CHL1: variants seen among roughly 807,000 people sequenced by gnomAD.
CHL1 encodes the protein neural cell adhesion molecule L1-like protein.
Under a neutral mutation model 141.9 loss-of-function variants are expected in CHL1, and 96 were observed. The observed-to-expected ratio is 0.68, with a 90% CI of 0.57 to 0.80. The LOEUF (loss-of-function observed/expected upper bound fraction) is 0.80, where lower values mean the gene tolerates loss of function less well. Ranked by LOEUF, CHL1 falls within the 30% of genes least tolerant of loss-of-function variation. The pLI, the probability that CHL1 is intolerant of heterozygous loss-of-function variation, is 0.00. For missense variants in CHL1, 1,820 were observed against 1,457.2 expected, an observed-to-expected ratio of 1.25 and a Z score of -4.05; for synonymous variants, 613 against 502.2, an observed-to-expected ratio of 1.22 and a Z score of -2.95.
At chr3:255,740 C>G (rs1694095165) in intron 2 of CHL1, among the ~76,000 whole-genome samples, 1 of 152,120 alleles carries the variant, frequency 6.6e-6, no homozygotes, top group African/African-American at 2.4e-5. Flanking sequence ...TAGTTCTCGC[C>G]TTTGACTGCC....
At chr3:404,566 T>C (rs1334352503) in intron 27 of CHL1, among the ~76,000 whole-genome samples, 2 of 152,220 alleles carry the variant, frequency 1.3e-5, no homozygotes, top group South Asian at 2.1e-4. Context: ...AAATATAGTA[T>C]ACTTATTTAT....
intron 2 of CHL1, among the ~76,000 whole-genome samples, chr3:286,805 C>A (rs1430969324): frequency 1.3e-5 from 2 of 151,982 alleles, no homozygotes; most frequent in African/African-American, 4.8e-5. Flanking sequence ...GGTTCTTTCC[C>A]TTTTTAGACC....
intron 1 of CHL1, among the ~76,000 whole-genome samples, chr3:224,496 A>G (rs1360626654): frequency 6.6e-6 from 1 of 152,016 alleles, no homozygotes. Flanking sequence ...AGTACTCATG[A>G]GATCTGGTTG....
At chr3:403,382 A>G (rs906498892) in intron 27 of CHL1, among the ~76,000 whole-genome samples, 2 of 152,190 alleles carry the variant, frequency 1.3e-5, no homozygotes, top group Admixed American at 6.5e-5. Context: ...AAGGAAGAGG[A>G]TTATACAAGA....
intron 24 of CHL1, among the ~76,000 whole-genome samples, chr3:396,069 T>G (rs984206610): frequency 2.0e-5 from 3 of 152,144 alleles, no homozygotes; most frequent in African/African-American, 4.8e-5. Flanking sequence ...CCTTAAACAT[T>G]TAAAAGCCCT....
intron 2 of CHL1, among the ~76,000 whole-genome samples, chr3:303,224 G>A (rs1366210918): frequency 2.0e-5 from 3 of 152,142 alleles, no homozygotes; most frequent in Non-Finnish European, 2.9e-5. Context: ...TGGATATGCA[G>A]GCTCTTTTTT....
chr3:284,764 T>C (rs331873), intron 2 of CHL1, among the ~76,000 whole-genome samples: 1,857 of 111,708 alleles, frequency 0.017, 52 homozygotes, highest in African/African-American at 0.091. Context: ...TAAATGCGTA[T>C]TCATCTTTTT....
At chr3:296,419 C>T (rs1698190270) in intron 2 of CHL1, among the ~76,000 whole-genome samples, 1 of 132,262 alleles carries the variant, frequency 7.6e-6, no homozygotes. Context: ...TAAATCCTGT[C>T]GCCTTTCTCT....
chr3:261,889 C>G (rs570940018), intron 2 of CHL1, among the ~76,000 whole-genome samples: 1 of 152,098 alleles, frequency 6.6e-6, no homozygotes, highest in Admixed American at 6.5e-5. Context: ...AGTCAATAAT[C>G]GAGTTTGGGA....
intron 15 of CHL1, 46 bp downstream of exon 15, chr3:366,161 C>T (rs1559316188): frequency 1.5e-5 from 23 of 1,562,058 alleles, no homozygotes; most frequent in Non-Finnish European, 2.0e-5. Context: ...TTGGGGTAAA[C>T]AACTTGCATT....
rs778331676 is a variant in CHL1 at position 382,608 on chromosome 3, G to A, written c.2113G>A (p.Val705Met). The stretch of plus-strand genomic sequence containing the variant: ...GAGATACCAGTTCAGGGTCATAGCC[G>A]TGAACGAAGTAGGGAGAAGTCAGCC... Reference protein sequence around the residue: ...FVRYQFRVIAVNEVGRSQPSQ... With the variant: ...FVRYQFRVIAMNEVGRSQPSQ... The change falls in exon 18 of 28, where the codon GTG becomes ATG. Residue 705 changes from valine (V) to methionine (M), a missense_variant. Transcript: ENST00000256509. The A allele has an allele frequency of 6.6e-5, 107 of 1,613,810 alleles. 1 individual carries two copies. Among genetic ancestry groups the A allele is most frequent in the South Asian group, 2.1e-4 (19 of 91,070 alleles).
intron 1 of CHL1, among the ~76,000 whole-genome samples, chr3:221,039 G>T (rs913024372): frequency 6.6e-6 from 1 of 152,076 alleles, no homozygotes; most frequent in Non-Finnish European, 1.5e-5. Flanking sequence ...AAACTCCTTG[G>T]ACTAGTTGCC....
intron 16 of CHL1, among the ~76,000 whole-genome samples, chr3:379,248 G>C (rs1004276481): frequency 6.6e-6 from 1 of 152,100 alleles, no homozygotes. Flanking sequence ...TGGCCAACCT[G>C]TCTCGGGCGA....
At chr3:360,603 A>G (rs1053046927) in intron 12 of CHL1, among the ~76,000 whole-genome samples, 179 bp downstream of exon 12, 2 of 118,444 alleles carry the variant, frequency 1.7e-5, no homozygotes, top group Non-Finnish European at 3.6e-5. Context: ...TTTTTTTTTT[A>G]TTATACTTTA....
At chr3:248,387 T>G (rs972163043) in intron 2 of CHL1, 15 of 152,106 alleles carry the variant, frequency 9.9e-5, no homozygotes, top group African/African-American at 2.7e-4. Flanking sequence ...GAGCACTATA[T>G]GAAGAATTAC....
At chr3:347,111 A>G (rs1362971550) in intron 9 of CHL1, among the ~76,000 whole-genome samples, 1 of 152,122 alleles carries the variant, frequency 6.6e-6, no homozygotes, top group Non-Finnish European at 1.5e-5. Context: ...ATGTGTTTTG[A>G]GGGAAAACTT....
chr3:388,634 A>G (rs1707968263), intron 19 of CHL1, among the ~76,000 whole-genome samples: 1 of 152,122 alleles, frequency 6.6e-6, no homozygotes, highest in African/African-American at 2.4e-5. Context: ...TAAGGGTGAC[A>G]TTTTTTCTTA....
At chr3:221,463 T>G (rs192172770) in intron 1 of CHL1, among the ~76,000 whole-genome samples, 46 of 152,328 alleles carry the variant, frequency 3.0e-4, no homozygotes, top group Middle Eastern at 6.8e-3. Flanking sequence ...TGTTTATGTG[T>G]AGCAGACCCT....
At chr3:285,611 C>G (rs546642835) in intron 2 of CHL1, among the ~76,000 whole-genome samples, 1 of 152,274 alleles carries the variant, frequency 6.6e-6, no homozygotes, top group Non-Finnish European at 1.5e-5. Flanking sequence ...AGGCAAACTA[C>G]GTAGACTCTA....
Sources: allele counts gnomAD v4.1 joint callset (sites outside exome capture counted in the v4.1 genomes callset), GRCh38; gene constraint gnomAD v4.1.1; transcripts MANE v1.5; gene names NCBI Gene and HGNC (gene_info 2026-07-23, HGNC 2026-07-21).